The following CSMD1 variants were observed in gnomAD, a reference collection of about 807,000 sequenced individuals.
CSMD1 encodes the protein CUB and sushi domain-containing protein 1.
In CSMD1, 213 loss-of-function variants were observed where a neutral mutation model predicts 417.5. The observed-to-expected ratio is 0.51, with a 90% CI of 0.46 to 0.57. The LOEUF (loss-of-function observed/expected upper bound fraction) is 0.57. Ranked by LOEUF, CSMD1 falls within the 20% of genes least tolerant of loss-of-function variation. The probability of loss-of-function intolerance (pLI) is 0.00; values close to 1 mark genes in which losing one functional copy is unlikely to be tolerated. For synonymous variants in CSMD1, 2,862 were observed against 1,736.8 expected (o/e 1.65, Z -16.11); for missense variants, 6,923 against 4,529.7 (o/e 1.53, Z -15.17).
chr8:3,070,356 T>G (rs1024728615), intron 49 of CSMD1, among the ~76,000 whole-genome samples: 2 of 152,224 alleles, frequency 1.3e-5, no homozygotes, highest in African/African-American at 4.8e-5. Flanking sequence ...TTTTTAAACT[T>G]TTATGCATTG....
chr8:4,081,163 T>A (rs1249621291), intron 3 of CSMD1, among the ~76,000 whole-genome samples: 1 of 152,126 alleles, frequency 6.6e-6, no homozygotes, highest in Admixed American at 6.6e-5. Flanking sequence ...CCTCCAGCAT[T>A]GTGATAAATA....
rs1036910347 is a variant in CSMD1 at position 3,087,168 on chromosome 8, T to C, written c.7403A>G (p.His2468Arg). Residue 2468 changes from histidine (H) to arginine (R), a missense_variant, in exon 49 of 70, where the codon CAC becomes CGC. By Grantham distance (29) the His-to-Arg change is conservative. Transcript: ENST00000635120. ...GTTTCGTCTACAGGTTGCATTGCTG[T>C]GGCCGACCATTCGGTATCCAGGCTT... is the stretch of plus-strand genomic sequence containing the variant. ...FCKPGYRMVGHSNATCRRNPL... is the reference protein window; with the variant it reads ...FCKPGYRMVGRSNATCRRNPL... 37 of 1,613,986 alleles carry C rather than the reference T, an allele frequency of 2.3e-5. No homozygotes were observed. The highest frequency in any genetic ancestry group is 6.7e-5 in the Admixed American group (4 of 60,034).
rs536426004 is a variant in CSMD1, at chr8:3,840,848, C to A, written c.819-86806G>T. The stretch of plus-strand genomic sequence containing the variant: ...GTAGCTGGGCGCCTGCCACTACGTA[C>A]AGGCGCCTGTGACTACGCCCATTAA... On this transcript the variant is annotated intron_variant, in intron 5 of 69. Transcript: ENST00000635120. Among the ~76,000 whole-genome samples, 5 of 152,002 alleles carry A rather than the reference C, an allele frequency of 3.3e-5. No individual in the cohort carries two copies. In the South Asian group the frequency reaches 1.0e-3, roughly 32 times the overall value.
At chr8:4,065,378 T>C (rs1457861121) in intron 3 of CSMD1, among the ~76,000 whole-genome samples, 5 of 152,340 alleles carry the variant, frequency 3.3e-5, no homozygotes, top group African/African-American at 9.6e-5. Context: ...TAAAAGTTTA[T>C]GGTCCTACAG....
intron 3 of CSMD1, among the ~76,000 whole-genome samples, chr8:4,196,850 A>C (rs779349039): frequency 6.6e-6 from 1 of 152,154 alleles, no homozygotes; most frequent in Non-Finnish European, 1.5e-5. Flanking sequence ...TAGCCTGCAC[A>C]TGCCTTCATA....
chr8:3,411,452 C>A (rs779638892), intron 12 of CSMD1, among the ~76,000 whole-genome samples: 15 of 151,672 alleles, frequency 9.9e-5, no homozygotes, highest in Non-Finnish European at 1.9e-4. Context: ...CCCTTCACAC[C>A]CTTTCCCCGA....
rs552019034 is a variant in CSMD1, at chr8:4,418,432, A to G, written c.415+1521T>C. 8.5e-5 allele frequency among the ~76,000 whole-genome samples: 13 copies of G among 152,278 alleles called. No homozygotes were observed. The South Asian group carries it at 2.5e-3, about 29-fold the overall frequency. ...ATTTGATAGAATTATTCATATAGTG[A>G]TTTCTCAACAGCGATGGAGTTTTCA... On this transcript the variant is annotated intron_variant, in intron 3 of 69. Coordinates refer to ENST00000635120, the MANE Select transcript of CSMD1 (RefSeq NM_033225.6).
At chr8:3,652,681 T>A (rs940705539) in intron 7 of CSMD1, among the ~76,000 whole-genome samples, 3 of 152,098 alleles carry the variant, frequency 2.0e-5, no homozygotes, top group Non-Finnish European at 4.4e-5. Context: ...AGGAACAGTA[T>A]GGGGGAAACT....
At chr8:4,602,084 A>G (rs1324215883) in intron 2 of CSMD1, among the ~76,000 whole-genome samples, 2 of 152,204 alleles carry the variant, frequency 1.3e-5, no homozygotes, top group East Asian at 3.9e-4. Flanking sequence ...TAGCAAAGTT[A>G]CCAATTGCCT....
intron 2 of CSMD1, among the ~76,000 whole-genome samples, chr8:4,459,530 T>C (rs1490666061): frequency 6.6e-6 from 1 of 152,118 alleles, no homozygotes. Flanking sequence ...GGATAAGCAA[T>C]TTAGAGGAGC....
intron 1 of CSMD1, among the ~76,000 whole-genome samples, chr8:4,668,137 T>C (rs373837641): frequency 3.9e-5 from 6 of 152,294 alleles, no homozygotes; most frequent in Middle Eastern, 3.4e-3. Context: ...TCAAACTCAA[T>C]GAGTTTTCTG....
intron 17 of CSMD1, among the ~76,000 whole-genome samples, chr8:3,389,150 T>C (rs896223813): frequency 6.6e-6 from 1 of 152,200 alleles, no homozygotes; most frequent in Admixed American, 6.6e-5. Context: ...GGGGTACATG[T>C]GCAGGTTTGT....
chr8:4,669,473 G>T (rs1805156969), intron 1 of CSMD1, among the ~76,000 whole-genome samples: 1 of 152,092 alleles, frequency 6.6e-6, no homozygotes, highest in Non-Finnish European at 1.5e-5. Context: ...CTCAGGATGT[G>T]GACAACCGTA....
chr8:4,580,201 C>T (rs914463110), intron 2 of CSMD1, among the ~76,000 whole-genome samples: 1 of 152,224 alleles, frequency 6.6e-6, no homozygotes, highest in African/African-American at 2.4e-5. Context: ...CTAGCCTGAG[C>T]TTGCCCCCTG....
chr8:3,872,778 G>T (rs188530945), intron 5 of CSMD1, among the ~76,000 whole-genome samples: 2 of 149,016 alleles, frequency 1.3e-5, no homozygotes, highest in Admixed American at 1.3e-4. Flanking sequence ...CTACCCATCC[G>T]ACAAAGATCT....
At chr8:4,215,681 C>A (rs532973835) in intron 3 of CSMD1, among the ~76,000 whole-genome samples, 1 of 152,160 alleles carries the variant, frequency 6.6e-6, no homozygotes, top group South Asian at 2.1e-4. Flanking sequence ...TCTAAAAACA[C>A]AGACTTTAAT....
intron 27 of CSMD1, among the ~76,000 whole-genome samples, chr8:3,227,010 A>C (rs17079662): frequency 2.0e-5 from 3 of 152,234 alleles, no homozygotes; most frequent in Non-Finnish European, 2.9e-5. Context: ...TGTGCCTTAA[A>C]ATCTATAAAG....
chr8:4,356,349 C>CAT (rs71205447), intron 3 of CSMD1, among the ~76,000 whole-genome samples: 1 of 151,488 alleles, frequency 6.6e-6, no homozygotes, highest in Non-Finnish European at 1.5e-5. Context: ...CACACACACA[C>CAT]CAGTTTCTTT....
intron 3 of CSMD1, among the ~76,000 whole-genome samples, chr8:4,371,323 G>A (rs1348587996): frequency 6.6e-6 from 1 of 152,000 alleles, no homozygotes; most frequent in Non-Finnish European, 1.5e-5. Flanking sequence ...CAGACTACTG[G>A]CAACAGGCAA....
Sources: gnomAD v4.1 joint callset for allele counts (sites outside exome capture counted in the v4.1 genomes callset) on GRCh38, gnomAD v4.1.1 for gene constraint, MANE v1.5 for transcripts, NCBI Gene and HGNC (gene_info 2026-07-23, HGNC 2026-07-21) for gene names.